PCDH15: variants seen among roughly 807,000 people sequenced by gnomAD.
PCDH15 encodes protocadherin related 15, also known as protocadherin-15.
A neutral mutation model predicts 178.5 loss-of-function variants in PCDH15; 129 were observed. The ratio of observed to expected loss-of-function variants is 0.72; its 90% CI spans 0.63 to 0.84. The LOEUF (loss-of-function observed/expected upper bound fraction) is 0.84, where lower values mean the gene tolerates loss of function less well. Ranked by LOEUF, PCDH15 falls within the 40% of genes least tolerant of loss-of-function variation. The pLI is 0.00. For missense variants in PCDH15, 2,230 were observed against 2,099.9 expected, an observed-to-expected ratio of 1.06 and a Z score of -1.21; for synonymous variants, 800 against 732.0, an observed-to-expected ratio of 1.09 and a Z score of -1.50.
chr10:55,291,547 A>G (rs1306496386), intron 1 of PCDH15, among the ~76,000 whole-genome samples: 5 of 152,230 alleles, frequency 3.3e-5, no homozygotes, highest in Non-Finnish European at 7.3e-5. Context: ...AAGATTAAAT[A>G]AGTGAAATCC....
chr10:55,322,154 T>C (rs1451372222), upstream of PCDH15, among the ~76,000 whole-genome samples: 1 of 152,150 alleles, frequency 6.6e-6, no homozygotes. Flanking sequence ...TGAATAAGTA[T>C]CATGAGGTCT....
intron 19 of PCDH15, among the ~76,000 whole-genome samples, chr10:54,021,673 C>T (rs1414831840): frequency 2.0e-5 from 3 of 151,828 alleles, no homozygotes. Flanking sequence ...CAAATATTCT[C>T]TTTGCCTTAA....
At chr10:54,309,587 A>C (rs565539928) in intron 8 of PCDH15, among the ~76,000 whole-genome samples, 1 of 152,204 alleles carries the variant, frequency 6.6e-6, no homozygotes, top group Non-Finnish European at 1.5e-5. Context: ...TGAGGTCAGG[A>C]GTTCGAGATC....
At chr10:54,715,118 T>C (rs1436698746) in intron 1 of PCDH15, among the ~76,000 whole-genome samples, 1 of 152,152 alleles carries the variant, frequency 6.6e-6, no homozygotes, top group Non-Finnish European at 1.5e-5. Context: ...GCAGTAAATA[T>C]ATCTGTTTTA....
At chr10:54,444,362 C>T (rs2076019273) in intron 3 of PCDH15, among the ~76,000 whole-genome samples, 1 of 151,692 alleles carries the variant, frequency 6.6e-6, no homozygotes, top group African/African-American at 2.4e-5. Flanking sequence ...CACAGTACTA[C>T]CCGCTTTGTT....
At chr10:53,887,816 G>A (rs1020205237) in intron 26 of PCDH15, among the ~76,000 whole-genome samples, 1 of 152,172 alleles carries the variant, frequency 6.6e-6, no homozygotes, top group Non-Finnish European at 1.5e-5. Flanking sequence ...GTGAACCCGG[G>A]AGGCGTAGCT....
intron 2 of PCDH15, among the ~76,000 whole-genome samples, chr10:55,142,947 C>T (rs1838394666): frequency 6.6e-6 from 1 of 152,102 alleles, no homozygotes; most frequent in South Asian, 2.1e-4. Flanking sequence ...ATTGTAATCC[C>T]CACATGACAG....
chr10:54,140,959 G>A (rs141803301), intron 14 of PCDH15, among the ~76,000 whole-genome samples: 1,704 of 152,152 alleles, frequency 0.011, 34 homozygotes, highest in African/African-American at 0.039. Context: ...TGGGATTACA[G>A]GCATGAGCCA....
At chr10:54,749,499 T>C (rs1181495563) in intron 1 of PCDH15, among the ~76,000 whole-genome samples, 2 of 152,134 alleles carry the variant, frequency 1.3e-5, no homozygotes, top group Admixed American at 6.5e-5. Context: ...GCATCCCAGT[T>C]CCTTTTGTGA....
At chr10:55,163,652 T>A (rs1487973833) in intron 2 of PCDH15, among the ~76,000 whole-genome samples, 6 of 152,120 alleles carry the variant, frequency 3.9e-5, no homozygotes, top group Admixed American at 3.9e-4. Flanking sequence ...CAAACCAAGA[T>A]GGTGAAGAAA....
At position 55,057,663 on chromosome 10, in the gene PCDH15, C is replaced by T. The variant is rs573832165; in HGVS notation, c.-80+108913G>A. 5.9e-5 allele frequency among the ~76,000 whole-genome samples: 9 copies of T among 152,154 alleles called. No homozygotes were observed. In the South Asian group the frequency reaches 6.2e-4, roughly 11 times the overall value. ...CTGAACGCTAGAATCCCTTTCTTCT[C>T]CTCTCCCCTTTCTCCATGATATAAG... On this transcript the variant is annotated intron_variant, in intron 2 of 5. Coordinates refer to the PCDH15 transcript ENST00000458638.
rs930666338 is a variant in PCDH15 at position 55,599,923 on chromosome 10, T to C, written c.-156+27702A>G. 2.6e-6 allele frequency: 4 copies of C among 1,527,614 alleles called. No homozygotes were observed. In the African/African-American group the frequency reaches 4.1e-5, roughly 16 times the overall value. The allele number at this position is 1,527,614 out of a possible 1,614,324, so 94.6% of individuals were successfully genotyped here. On this transcript the variant is annotated intron_variant, in intron 2 of 5. Transcript: ENST00000613346. ...GAATGGCCACACCAGGGTTTAGCTG[T>C]CTCTTACTTTCAACCAGTGAAATTG...
At chr10:55,250,391 C>G (rs906766020) in intron 1 of PCDH15, among the ~76,000 whole-genome samples, 8 of 151,736 alleles carry the variant, frequency 5.3e-5, no homozygotes, top group African/African-American at 1.7e-4. Flanking sequence ...CAGCTATCCT[C>G]CCTTCTCAAC....
chr10:54,543,763 T>C (rs1219742470), intron 2 of PCDH15, among the ~76,000 whole-genome samples: 1 of 152,142 alleles, frequency 6.6e-6, no homozygotes, highest in Non-Finnish European at 1.5e-5. Flanking sequence ...AAACTGCCTA[T>C]TCTAACCCGA....
At chr10:53,852,369 G>T (rs1228822612) in intron 28 of PCDH15, among the ~76,000 whole-genome samples, 1 of 151,926 alleles carries the variant, frequency 6.6e-6, no homozygotes, top group Non-Finnish European at 1.5e-5. Context: ...GATATTCAAG[G>T]GTATCTGTAG....
In PCDH15 at chr10:53,951,531, CA is replaced by C. The variant is rs567784123; in HGVS notation, c.3122+8200del. On this transcript the variant is annotated intron_variant, in intron 23 of 37. Transcript: ENST00000644397. The stretch of plus-strand genomic sequence containing the variant: ...ACTAATATCATTGTTATATCTTTGT[CA>C]AAAATAGAAACTGAAGGAACCAAAT... 2.1e-3 allele frequency among the ~76,000 whole-genome samples: 321 copies of C among 152,210 alleles called. 2 individuals carry two copies. The highest frequency in any genetic ancestry group is 7.3e-3 in the African/African-American group (302 of 41,528).
chr10:54,650,113 T>C (rs552935352), intron 2 of PCDH15, among the ~76,000 whole-genome samples: 3 of 152,276 alleles, frequency 2.0e-5, no homozygotes, highest in East Asian at 3.9e-4. Context: ...TTAATTTTGA[T>C]TGGGTGTCAT....
At chr10:54,967,562 C>G (rs1838824246) in intron 2 of PCDH15, among the ~76,000 whole-genome samples, 1 of 152,064 alleles carries the variant, frequency 6.6e-6, no homozygotes, top group Admixed American at 6.5e-5. Context: ...GTAGAAATAT[C>G]CAGCTCATAT....
At chr10:55,202,107 T>C (rs1840267090) in intron 1 of PCDH15, among the ~76,000 whole-genome samples, 1 of 152,074 alleles carries the variant, frequency 6.6e-6, no homozygotes, top group South Asian at 2.1e-4. Flanking sequence ...ATTTGCTGAA[T>C]TAAAGATAGA....
Sources: gnomAD v4.1 joint callset for allele counts (sites outside exome capture counted in the v4.1 genomes callset) on GRCh38, gnomAD v4.1.1 for gene constraint, MANE v1.5 for transcripts, NCBI Gene and HGNC (gene_info 2026-07-23, HGNC 2026-07-21) for gene names.